Variants in PDGFRB observed in about 807,000 individuals in gnomAD.
PDGFRB encodes the protein platelet-derived growth factor receptor beta.
In PDGFRB, 42 loss-of-function variants were observed where a neutral mutation model predicts 120.2. The ratio of observed to expected loss-of-function variants is 0.35; its 90% CI spans 0.27 to 0.45. The LOEUF (loss-of-function observed/expected upper bound fraction) is 0.45. PDGFRB is among the 20% of genes least tolerant of loss of function. PDGFRB has a pLI of 1.00. For missense variants in PDGFRB, 1,149 were observed against 1,476.3 expected (o/e 0.78, Z 3.63); for synonymous variants, 586 against 606.8 (o/e 0.97, Z 0.50).
rs139448702 is a variant in PDGFRB, at chr5:150,135,020, C to A, written c.365-4G>T. On this transcript the variant is annotated splice_region_variant and splice_polypyrimidine_tract_variant and intron_variant, in intron 3 of 22. Transcript: ENST00000261799. ...GGGAGGAAGCCCACGGTGGGATCTG[C>A]CAGGAGTGGAGCCGTGAATAAATCA... is the stretch of plus-strand genomic sequence containing the variant. 1,519 of 1,473,394 alleles carry A rather than the reference C, an allele frequency of 1.0e-3. 17 individuals are homozygous for A. The African/African-American group carries it at 0.019, about 18-fold the overall frequency. The allele number at this position is 1,473,394 out of a possible 1,614,324, so 91.3% of individuals were successfully genotyped here.
rs1015631292 is a variant in PDGFRB at position 150,148,138 on chromosome 5, C to T, written c.-7+7259G>A. 1.3e-4 allele frequency among the ~76,000 whole-genome samples: 20 copies of T among 152,292 alleles called. No individual in the cohort carries two copies. In the South Asian group the frequency reaches 2.7e-3, roughly 21 times the overall value. ...GAGGAGTGTCTCATCCTAGCACACT[C>T]GGCGATTCGGTGGCCAACCTAAGGC... On this transcript the variant is annotated intron_variant, in intron 1 of 22. Coordinates refer to ENST00000261799, the MANE Select transcript of PDGFRB (RefSeq NM_002609.4).
chr5:150,152,626 C>A (rs1761106965), intron 1 of PDGFRB, among the ~76,000 whole-genome samples: 1 of 152,244 alleles, frequency 6.6e-6, no homozygotes, highest in East Asian at 1.9e-4. Context: ...ATGCCCAGAG[C>A]ACCCTCCTTT....
chr5:150,138,363 T>A (rs1760694925), intron 1 of PDGFRB, among the ~76,000 whole-genome samples: 1 of 152,152 alleles, frequency 6.6e-6, no homozygotes, highest in Admixed American at 6.5e-5. Context: ...GCATGCCACC[T>A]CTTGTGCCAT....
At chr5:150,141,788 G>A (rs1760791734) in intron 1 of PDGFRB, among the ~76,000 whole-genome samples, 1 of 152,136 alleles carries the variant, frequency 6.6e-6, no homozygotes, top group Non-Finnish European at 1.5e-5. Flanking sequence ...ACGTGCTGAG[G>A]GGACGATGCC....
At position 150,120,814 on chromosome 5, in the gene PDGFRB, CT is replaced by C. The variant is rs1288056948; in HGVS notation, c.2586+73del. Reference sequence around the variant, plus strand: ...AGATTTCCTATGAGCTGCAGCCACACTGGTCAGGAGGGAATCTGTTCCTGCG... The same window carrying C: ...AGATTTCCTATGAGCTGCAGCCACACGGTCAGGAGGGAATCTGTTCCTGCG... On this transcript the variant is annotated intron_variant, in intron 18 of 22. Transcript: ENST00000261799. The surrounding 1 kb of genome is among the most constrained non-coding windows in gnomAD (Gnocchi z 4.3). 1.4e-6 allele frequency: 2 copies of C among 1,433,772 alleles called. No homozygotes were observed. The highest frequency in any genetic ancestry group is 2.8e-5 in the African/African-American group (2 of 71,354). 88.8% of individuals were successfully genotyped at this position (1,433,772 alleles called of 1,614,324 possible). A position where few individuals can be genotyped will look rare whatever the true frequency, so the allele number is the denominator to read the frequency against.
At position 150,135,817 on chromosome 5, in the gene PDGFRB, G is replaced by C; in HGVS notation, c.102C>G (p.Val34=). 1 of 1,579,672 alleles carries C rather than the reference G, an allele frequency of 6.3e-7. No individual in the cohort carries two copies. Among genetic ancestry groups the C allele is most frequent in the Non-Finnish European group, 8.6e-7 (1 of 1,163,504 alleles). ...LLEPQISQGL[V]VTPPGPELVL... is the part of the protein sequence containing the mutation. ...CAAGCTCTGGCCCCGGGGGTGTGAC[G>C]ACCAGGCCCTGAGAGATCTGTGGTT... Residue 34 remains valine (V), a synonymous_variant, in exon 3 of 23, where the codon GTC becomes GTG. Transcript: ENST00000261799.
rs1223332493 is a variant in PDGFRB, at chr5:150,139,724, G to A, written c.-6-2671C>T. ...AGGCTGGGCATGGTGGCTCATGCCT[G>A]TAATCCCAGCACTTTGGGAGGCCGA... On this transcript the variant is annotated intron_variant, in intron 1 of 22. Transcript: ENST00000261799. Among the ~76,000 whole-genome samples the A allele has an allele frequency of 3.3e-5, 5 of 152,152 alleles. No individual in the cohort carries two copies. In the East Asian group the frequency reaches 7.7e-4, roughly 23 times the overall value.
intron 14 of PDGFRB, 63 bp from the exon 15 acceptor site, chr5:150,123,264 G>T (rs1346562498): frequency 6.0e-6 from 8 of 1,340,064 alleles, no homozygotes; most frequent in Non-Finnish European, 8.5e-6. Flanking sequence ...TCAAGGCCAT[G>T]AGGCTAATCA....
intron 1 of PDGFRB, among the ~76,000 whole-genome samples, chr5:150,148,524 C>G (rs546437528): frequency 6.6e-6 from 1 of 152,260 alleles, no homozygotes; most frequent in Non-Finnish European, 1.5e-5. Flanking sequence ...CTGAAGCCAA[C>G]AGGCTGCGCC....
At chr5:150,140,383 C>T (rs2113919132) in intron 1 of PDGFRB, among the ~76,000 whole-genome samples, 1 of 152,172 alleles carries the variant, frequency 6.6e-6, no homozygotes, top group Non-Finnish European at 1.5e-5. Flanking sequence ...CCCCTATCTG[C>T]TGTACTCTCC....
In PDGFRB at chr5:150,115,633, A is replaced by C. The variant is rs1312671019; in HGVS notation, c.*130T>G. On this transcript the variant is annotated 3_prime_UTR_variant, in exon 23 of 23. Coordinates refer to ENST00000261799, the MANE Select transcript of PDGFRB (RefSeq NM_002609.4). ...GTTTGGGGCACAACACGTCAGGAGCAGAAAGCTTCCAGAAGGGGACAGCTG... is the reference window on the plus strand; with the variant it reads ...GTTTGGGGCACAACACGTCAGGAGCCGAAAGCTTCCAGAAGGGGACAGCTG... The C allele has an allele frequency of 1.2e-6, 1 of 848,346 alleles. No individual in the cohort carries two copies. The highest frequency in any genetic ancestry group is 3.3e-5 in the Admixed American group (1 of 30,538). 52.6% of individuals were successfully genotyped at this position (848,346 alleles called of 1,614,324 possible).
intron 1 of PDGFRB, among the ~76,000 whole-genome samples, chr5:150,144,907 G>A (rs1760879432): frequency 6.6e-6 from 1 of 152,128 alleles, no homozygotes; most frequent in Admixed American, 6.5e-5. Context: ...GGCCCCATCT[G>A]GGCCTCCAAC....
At chr5:150,140,864 A>G (rs1458730211) in intron 1 of PDGFRB, among the ~76,000 whole-genome samples, 1 of 152,170 alleles carries the variant, frequency 6.6e-6, no homozygotes, top group Non-Finnish European at 1.5e-5. Flanking sequence ...CCCAGCACGT[A>G]CAATTCTCCA....
chr5:150,153,864 A>C (rs972032904), intron 1 of PDGFRB: 1 of 152,198 alleles, frequency 6.6e-6, no homozygotes, highest in Non-Finnish European at 1.5e-5. Flanking sequence ...CCTGGGTTCT[A>C]GTCTCACACT....
Position 150,121,166 on chromosome 5 carries a change from C to T in PDGFRB, c.2463+38G>A, listed in dbSNP as rs759950072. ...CTGGCTGGCTGGGTGACCCACCTCC[C>T]CACAGCCCCCACTCTGCCCCACCAA... is the stretch of plus-strand genomic sequence containing the variant. On this transcript the variant is annotated intron_variant, in intron 17 of 22. Transcript: ENST00000261799. The surrounding 1 kb of genome is among the most constrained non-coding windows in gnomAD (Gnocchi z 4.1). The T allele has an allele frequency of 1.5e-6, 2 of 1,317,858 alleles. No individual in the cohort carries two copies. Among genetic ancestry groups the T allele is most frequent in the South Asian group, 2.3e-5 (2 of 85,142 alleles). The allele number at this position is 1,317,858 out of a possible 1,614,324, so 81.6% of individuals were successfully genotyped here. A position where few individuals can be genotyped will look rare whatever the true frequency, so the allele number is the denominator to read the frequency against.
intron 19 of PDGFRB, 83 bp from the exon 20 acceptor site, chr5:150,119,649 C>A: frequency 1.2e-6 from 1 of 840,708 alleles, no homozygotes; most frequent in Non-Finnish European, 2.1e-6. Flanking sequence ...ACAAGGAGAG[C>A]CATGCTGGCC....
At chr5:150,125,683 G>A (rs1043488697) in intron 11 of PDGFRB, 106 bp from the exon 12 acceptor site, 15 of 1,053,918 alleles carry the variant, frequency 1.4e-5, no homozygotes, top group Middle Eastern at 2.1e-4. Context: ...CTGAGGCCCA[G>A]AGAGGGGCAG....
At chr5:150,152,767 T>C (rs898379297) in intron 1 of PDGFRB, among the ~76,000 whole-genome samples, 13 of 152,210 alleles carry the variant, frequency 8.5e-5, no homozygotes, top group African/African-American at 3.1e-4. Flanking sequence ...CAGATTAATT[T>C]CACAGCCAAG....
chr5:150,136,576 G>A (rs1201650558), intron 2 of PDGFRB, among the ~76,000 whole-genome samples: 1 of 152,194 alleles, frequency 6.6e-6, no homozygotes, highest in Non-Finnish European at 1.5e-5. Context: ...TGCTGGGTCA[G>A]TCGCTCAGCC....
Sources: gnomAD v4.1 joint callset for allele counts (sites outside exome capture counted in the v4.1 genomes callset) on GRCh38, gnomAD v4.1.1 for gene constraint, Gnocchi (gnomAD v3.1) non-coding constraint, MANE v1.5 for transcripts, NCBI Gene and HGNC (gene_info 2026-07-23, HGNC 2026-07-21) for gene names.